NPHS2: variants seen among roughly 807,000 people sequenced by gnomAD.
The protein encoded by NPHS2 is podocin.
A neutral mutation model predicts 37.1 loss-of-function variants in NPHS2; 36 were observed. The observed-to-expected ratio is 0.97, with a 90% CI of 0.74 to 1.28. The LOEUF (loss-of-function observed/expected upper bound fraction) is 1.28. Ranked by LOEUF, NPHS2 falls within the 50% of genes most tolerant of loss-of-function variation. The pLI, the probability that NPHS2 is intolerant of heterozygous loss-of-function variation, is 0.00. For synonymous variants in NPHS2, 196 were observed against 189.3 expected (o/e 1.04, Z -0.29); for missense variants, 447 against 488.1 (o/e 0.92, Z 0.79).
Position 179,561,354 on chromosome 1 carries a change from T to C in NPHS2, c.386A>G (p.Gln129Arg), listed in dbSNP as rs377421264. 6.8e-6 allele frequency: 11 copies of C among 1,609,552 alleles called. No individual in the cohort carries two copies. Among genetic ancestry groups the C allele is most frequent in the Admixed American group, 1.7e-5 (1 of 59,990 alleles). ...FSIWFCVKVV[Q>R]EYERVIIFRL... ...GAATATAATTACTCTTTCATACTCT[T>C]GTACAACCTAAAGAGAAATTTAATC... Residue 129 changes from glutamine (Q) to arginine (R), a missense_variant, in exon 3 of 8, where the codon CAA becomes CGA. By Grantham distance (43) the Gln-to-Arg change is conservative (BLOSUM62 1). Transcript: ENST00000367615.
Position 179,561,276 on chromosome 1 carries a change from A to G in NPHS2, c.451+13T>C. 1.2e-6 allele frequency: 2 copies of G among 1,601,758 alleles called. No individual in the cohort carries two copies. Among genetic ancestry groups the G allele is most frequent in the South Asian group, 1.1e-5 (1 of 90,822 alleles). ...GGAGAGAGGTGTTTAGAAAAAAAAG[A>G]GTGTTTTTTTACCAGGGCCTTTGGC... On this transcript the variant is annotated intron_variant, in intron 3 of 7. Transcript: ENST00000367615.
intron 1 of NPHS2, among the ~76,000 whole-genome samples, chr1:179,565,107 C>CA (rs572518534): frequency 6.4e-4 from 95 of 147,822 alleles, no homozygotes; most frequent in Middle Eastern, 3.5e-3. Flanking sequence ...CCTGTCTGTA[C>CA]AAAAAAAAAA....
At chr1:179,551,680 T>C in intron 7 of NPHS2, 1 of 562,272 alleles carries the variant, frequency 1.8e-6, no homozygotes. Context: ...CAAGTATAAA[T>C]GAAGTATTAG....
In NPHS2 at chr1:179,551,306, A is replaced by G. The variant is rs531420047; in HGVS notation, c.1019T>C (p.Leu340Ser). ...LSTEKPSTVV[L>S]PLPFDLLNCL... is the part of the protein sequence containing the mutation. ...ATTCAGTAGGTCAAATGGCAAAGGT[A>G]AAACCACAGTGGAAGGCTTCTCTGT... The change falls in exon 8 of 8, where the codon TTA (leucine) becomes TCA (serine). Residue 340 changes from leucine to serine, a missense_variant. Leu to Ser is a moderately radical substitution (Grantham distance 145). Coordinates refer to ENST00000367615, the MANE Select transcript of NPHS2 (RefSeq NM_014625.4). 3 of 1,614,142 alleles carry G rather than the reference A, an allele frequency of 1.9e-6. No individual in the cohort carries two copies. The East Asian group carries it at 6.7e-5, about 36-fold the overall frequency.
intron 2 of NPHS2, among the ~76,000 whole-genome samples, chr1:179,562,221 A>G (rs1558347821): frequency 6.6e-6 from 1 of 152,230 alleles, no homozygotes; most frequent in Non-Finnish European, 1.5e-5. Flanking sequence ...GAGAATGTCT[A>G]TTAGAAGAGA....
intron 5 of NPHS2, chr1:179,554,759 G>T: frequency 1.7e-6 from 1 of 605,920 alleles, no homozygotes. Context: ...GCTGAATAAT[G>T]GTCCCCAAAG....
chr1:179,552,794 G>A (rs1039432334), intron 6 of NPHS2, 113 bp from the exon 7 acceptor site: 5 of 812,170 alleles, frequency 6.2e-6, no homozygotes, highest in Admixed American at 2.0e-5. Flanking sequence ...TAGCAAATTT[G>A]GAGTGACCAG....
intron 1 of NPHS2, among the ~76,000 whole-genome samples, chr1:179,575,307 G>A (rs927180095): frequency 2.6e-5 from 4 of 152,130 alleles, no homozygotes; most frequent in African/African-American, 9.7e-5. Flanking sequence ...TGGCTCCTTT[G>A]CCAAGTTGCT....
intron 2 of NPHS2, among the ~76,000 whole-genome samples, chr1:179,562,538 CA>C (rs1170000380): frequency 6.6e-6 from 1 of 152,132 alleles, no homozygotes; most frequent in African/African-American, 2.4e-5. Context: ...TAAAAAGCTC[CA>C]ATGAATAATA....
chr1:179,553,359 T>C (rs1462057749), intron 6 of NPHS2, among the ~76,000 whole-genome samples: 1 of 152,216 alleles, frequency 6.6e-6, no homozygotes, highest in Admixed American at 6.6e-5. Context: ...ACAACCTAAA[T>C]GTCCATCAGC....
At chr1:179,564,533 G>A (rs1228196515) in intron 2 of NPHS2, among the ~76,000 whole-genome samples, 157 bp downstream of exon 2, 1 of 152,192 alleles carries the variant, frequency 6.6e-6, no homozygotes, top group Non-Finnish European at 1.5e-5. Context: ...ATTTGAGCAA[G>A]GTCTTGGAGG....
intron 2 of NPHS2, 59 bp downstream of exon 2, chr1:179,564,631 A>G: frequency 2.2e-6 from 3 of 1,338,908 alleles, no homozygotes; most frequent in South Asian, 2.3e-5. Context: ...GAGAATGGGC[A>G]TGGTGTGGCC....
intron 1 of NPHS2, among the ~76,000 whole-genome samples, chr1:179,573,376 C>A (rs554870181): frequency 1.3e-5 from 2 of 152,326 alleles, no homozygotes; most frequent in East Asian, 1.9e-4. Flanking sequence ...AGAAGAACTT[C>A]CTGGGCAAAT....
rs1674270984 is a variant in NPHS2 at position 179,564,705 on chromosome 1, G to C, written c.363C>G (p.Ile121Met). The change falls in exon 2 of 8, where the codon ATC becomes ATG. Residue 121 changes from isoleucine to methionine, a missense_variant. By Grantham distance (10) the Ile-to-Met change is conservative (BLOSUM62 1). Transcript: ENST00000367615. The stretch of plus-strand genomic sequence containing the variant: ...GGAATCTCACCTTTACGCAGAACCA[G>C]ATGGAAAAAGGGAAGGTCATGATGA... ...LFIIMTFPFS[I>M]WFCVKVVQEY... 6.2e-7 allele frequency: 1 copy of C among 1,613,880 alleles called. No individual in the cohort carries two copies. The highest frequency in any genetic ancestry group is 1.3e-5 in the African/African-American group (1 of 74,888).
At chr1:179,554,744 G>A (rs1572273476) in intron 5 of NPHS2, 1 of 643,644 alleles carries the variant, frequency 1.6e-6, no homozygotes, top group Middle Eastern at 4.1e-4. Context: ...AAGATGGTGT[G>A]GTATGCTGAA....
At position 179,556,249 on chromosome 1, in the gene NPHS2, A is replaced by C. The variant is rs1272933907; in HGVS notation, c.738+778T>G. On this transcript the variant is annotated intron_variant, in intron 5 of 7. Coordinates refer to ENST00000367615, the MANE Select transcript of NPHS2 (RefSeq NM_014625.4). The surrounding 1 kb of genome is among the most constrained non-coding windows in gnomAD (Gnocchi z 4.1). The stretch of plus-strand genomic sequence containing the variant: ...ATTTGAGGTCCTCCTTCCAACTACC[A>C]TGGTTCACAACCTCCTAACCCAGTT... Among the ~76,000 whole-genome samples, 1 of 152,174 alleles carries C rather than the reference A, an allele frequency of 6.6e-6. No homozygotes were observed. Among genetic ancestry groups the C allele is most frequent in the South Asian group, 2.1e-4 (1 of 4,826 alleles).
In NPHS2 at chr1:179,575,693, G is replaced by C; in HGVS notation, c.172C>G (p.Arg58Gly). ...SGRAGTPGEP[R>G]APAATVVDVD... is the part of the protein sequence containing the mutation. ...TCCACCACCGTGGCGGCGGGCGCTC[G>C]GGGCTCCCCCGGGGTCCCCGCCCGT... Residue 58 changes from arginine (R) to glycine (G), a missense_variant, in exon 1 of 8, where the codon CGA (arginine) becomes GGA (glycine). Coordinates refer to ENST00000367615, the MANE Select transcript of NPHS2 (RefSeq NM_014625.4). 4 of 1,588,418 alleles carry C rather than the reference G, an allele frequency of 2.5e-6. No individual in the cohort carries two copies. Among genetic ancestry groups the C allele is most frequent in the Non-Finnish European group, 3.4e-6 (4 of 1,173,084 alleles).
intron 1 of NPHS2, among the ~76,000 whole-genome samples, chr1:179,573,810 T>C (rs938752326): frequency 6.6e-6 from 1 of 152,226 alleles, no homozygotes; most frequent in Non-Finnish European, 1.5e-5. Context: ...ATTTATATCC[T>C]CAAACCTAAC....
chr1:179,557,271 G>T, intron 4 of NPHS2, 41 bp from the exon 5 acceptor site: 1 of 1,529,466 alleles, frequency 6.5e-7, no homozygotes, highest in Non-Finnish European at 9.1e-7. Flanking sequence ...TGATTCTTGG[G>T]CTCCTTTCCT....
Sources: allele counts gnomAD v4.1 joint callset (sites outside exome capture counted in the v4.1 genomes callset), GRCh38; gene constraint gnomAD v4.1.1; non-coding constraint Gnocchi (gnomAD v3.1); transcripts MANE v1.5; gene names NCBI Gene and HGNC (gene_info 2026-07-23, HGNC 2026-07-21).